DNAH6: variants seen among roughly 807,000 people sequenced by gnomAD.
DNAH6 encodes dynein axonemal heavy chain 6, also known as axonemal beta dynein heavy chain 6.
Under a neutral mutation model 491.4 loss-of-function variants are expected in DNAH6, and 340 were observed. The ratio of observed to expected loss-of-function variants is 0.69; its 90% CI spans 0.63 to 0.76. The LOEUF (loss-of-function observed/expected upper bound fraction) is 0.76, where lower values mean the gene tolerates loss of function less well. Ranked by LOEUF, DNAH6 falls within the 30% of genes least tolerant of loss-of-function variation. DNAH6 has a pLI of 0.00. For synonymous variants in DNAH6, 1,603 were observed against 1,686.1 expected (o/e 0.95, Z 1.21); for missense variants, 4,443 against 4,972.2 (o/e 0.89, Z 3.20).
intron 12 of DNAH6, among the ~76,000 whole-genome samples, chr2:84,574,889 T>G (rs1319703758): frequency 6.6e-6 from 1 of 152,188 alleles, no homozygotes; most frequent in East Asian, 1.9e-4. Context: ...TCACGTTGGA[T>G]AACTGTGATC....
Position 84,673,544 on chromosome 2 carries a change from T to C in DNAH6, c.6612+1060T>C, listed in dbSNP as rs558041826. Among the ~76,000 whole-genome samples, 3 of 152,300 alleles carry C rather than the reference T, an allele frequency of 2.0e-5. No individual in the cohort carries two copies. The South Asian group carries it at 6.2e-4, about 32-fold the overall frequency. ...GGACAGAACTAATGGGATAGACATA[T>C]ATACATAAAAGGGAGTTTATTAAGT... On this transcript the variant is annotated intron_variant, in intron 40 of 76. Transcript: ENST00000389394.
chr2:84,678,951 A>G (rs555774543), intron 41 of DNAH6, among the ~76,000 whole-genome samples: 8 of 152,352 alleles, frequency 5.3e-5, no homozygotes, highest in African/African-American at 1.4e-4. Context: ...CTCTAGGCCC[A>G]TGGATCTCAA....
At chr2:84,625,607 T>C (rs1425509269) in intron 29 of DNAH6, among the ~76,000 whole-genome samples, 1 of 151,486 alleles carries the variant, frequency 6.6e-6, no homozygotes, top group East Asian at 1.9e-4. Context: ...AAGTAAAATA[T>C]GTTTTATATA....
chr2:84,811,644 T>C (rs1679985390), intron 72 of DNAH6, among the ~76,000 whole-genome samples: 1 of 152,160 alleles, frequency 6.6e-6, no homozygotes, highest in African/African-American at 2.4e-5. Context: ...GCAGATCTCC[T>C]AAGGTCAGGA....
At chr2:84,476,757 T>C in the DNAH6 span, among the ~76,000 whole-genome samples, 5 of 152,236 alleles carry the variant, frequency 3.3e-5, no homozygotes, top group Non-Finnish European at 7.3e-5. Flanking sequence ...CCGTGAACCA[T>C]GGGCAAAACT....
At chr2:84,789,976 G>A (rs1205631730) in intron 68 of DNAH6, among the ~76,000 whole-genome samples, 1 of 152,212 alleles carries the variant, frequency 6.6e-6, no homozygotes, top group East Asian at 1.9e-4. Flanking sequence ...GGGATGGACT[G>A]AATGGCTGGT....
intron 39 of DNAH6, among the ~76,000 whole-genome samples, chr2:84,671,177 G>C (rs1005033990): frequency 5.9e-5 from 9 of 152,182 alleles, no homozygotes; most frequent in African/African-American, 2.2e-4. Flanking sequence ...GTTCAGATGG[G>C]CCTCTCTGTG....
In DNAH6 at chr2:84,796,117, T is replaced by C. The variant is rs1283722882; in HGVS notation, c.11240-189T>C. Among the ~76,000 whole-genome samples the C allele has an allele frequency of 3.3e-5, 5 of 152,302 alleles. No homozygotes were observed. The South Asian group carries it at 6.2e-4, about 19-fold the overall frequency. On this transcript the variant is annotated intron_variant, in intron 68 of 76. Coordinates refer to ENST00000389394, the MANE Select transcript of DNAH6 (RefSeq NM_001370.2). ...ATGAGAGTAGAGTACATATAGTAGATTTTTTCTACTTTTCAAAAATTGACT... is the reference window on the plus strand; with the variant it reads ...ATGAGAGTAGAGTACATATAGTAGACTTTTTCTACTTTTCAAAAATTGACT...
Position 84,699,754 on chromosome 2 carries a change from ATC to A in DNAH6, c.7818+24_7818+25del. ...GTGCAGGTTGGTGACATCCCAGGAT[ATC>A]TCTTTGAGAAGTTGGACTTGCTTGA... On this transcript the variant is annotated intron_variant, in intron 48 of 76. Coordinates refer to ENST00000389394, the MANE Select transcript of DNAH6 (RefSeq NM_001370.2). 4 of 1,547,954 alleles carry A rather than the reference ATC, an allele frequency of 2.6e-6. No homozygotes were observed. The highest frequency in any genetic ancestry group is 3.5e-6 in the Non-Finnish European group (4 of 1,145,030).
chr2:84,668,531 G>A (rs986244636), intron 37 of DNAH6, among the ~76,000 whole-genome samples: 4 of 152,144 alleles, frequency 2.6e-5, no homozygotes, highest in African/African-American at 9.7e-5. Flanking sequence ...TAAAGCTTTT[G>A]ATAATTTGAT....
chr2:84,736,189 C>G (rs964725709), intron 62 of DNAH6, among the ~76,000 whole-genome samples: 3 of 152,058 alleles, frequency 2.0e-5, no homozygotes, highest in African/African-American at 7.2e-5. Flanking sequence ...TCAGGGGTCT[C>G]TATTCTGTTC....
chr2:84,666,502 A>G (rs1411916092), intron 37 of DNAH6, among the ~76,000 whole-genome samples: 3 of 152,164 alleles, frequency 2.0e-5, no homozygotes, highest in Non-Finnish European at 2.9e-5. Flanking sequence ...CCCATTCACA[A>G]TTGCTTCAAA....
At chr2:84,664,770 TC>T (rs1241203493) in intron 37 of DNAH6, among the ~76,000 whole-genome samples, 2 of 152,170 alleles carry the variant, frequency 1.3e-5, no homozygotes, top group Non-Finnish European at 2.9e-5. Context: ...TACAGAACTC[TC>T]CACCCCAAAT....
At chr2:84,479,203 G>A in the DNAH6 span, among the ~76,000 whole-genome samples, 2 of 152,228 alleles carry the variant, frequency 1.3e-5, no homozygotes, top group Non-Finnish European at 2.9e-5. Flanking sequence ...GTTCAGGGCA[G>A]GTGGTTTTAG....
intron 10 of DNAH6, among the ~76,000 whole-genome samples, chr2:84,557,245 C>A (rs1203976445): frequency 6.6e-6 from 1 of 152,126 alleles, no homozygotes; most frequent in Non-Finnish European, 1.5e-5. Context: ...AACATATGTC[C>A]TGAAGTTAGG....
intron 62 of DNAH6, among the ~76,000 whole-genome samples, chr2:84,741,052 C>G (rs1204390759): frequency 1.3e-5 from 2 of 152,216 alleles, no homozygotes; most frequent in Non-Finnish European, 2.9e-5. Context: ...TGGGGAGCCC[C>G]TCTCAGGCGA....
chr2:84,732,603 A>C (rs1699214914), intron 61 of DNAH6, among the ~76,000 whole-genome samples: 1 of 152,338 alleles, frequency 6.6e-6, no homozygotes, highest in African/African-American at 2.4e-5. Context: ...TAAGTAGTTT[A>C]GCAGTTGCTT....
In DNAH6 at chr2:84,605,481, G is replaced by A; in HGVS notation, c.3082-19G>A. ...AACACACTGAATTTAGATATCCTAA[G>A]GCTTGAATTATTTCTAAGGTGGAGG... On this transcript the variant is annotated intron_variant, in intron 19 of 76. Coordinates refer to ENST00000389394, the MANE Select transcript of DNAH6 (RefSeq NM_001370.2). The A allele has an allele frequency of 6.6e-7, 1 of 1,521,710 alleles. No homozygotes were observed. The highest frequency in any genetic ancestry group is 8.9e-7 in the Non-Finnish European group (1 of 1,120,036). 94.3% of individuals were successfully genotyped at this position (1,521,710 alleles called of 1,614,324 possible).
intron 30 of DNAH6, among the ~76,000 whole-genome samples, chr2:84,635,147 C>CA (rs780944298): frequency 6.6e-5 from 10 of 152,190 alleles, no homozygotes; most frequent in Non-Finnish European, 1.2e-4. Context: ...GCTCTAGCTC[C>CA]AGAGGCAGAG....
Sources: allele counts gnomAD v4.1 joint callset (sites outside exome capture counted in the v4.1 genomes callset), GRCh38; gene constraint gnomAD v4.1.1; transcripts MANE v1.5; gene names NCBI Gene and HGNC (gene_info 2026-07-23, HGNC 2026-07-21).